TJP2: variants seen among roughly 807,000 people sequenced by gnomAD.
TJP2 encodes Friedreich ataxia region gene X104 (tight junction protein ZO-2).
TJP2 carries 91 observed loss-of-function variants against 133.1 expected under a neutral mutation model. The ratio of observed to expected loss-of-function variants is 0.68; its 90% CI spans 0.58 to 0.81. The LOEUF (loss-of-function observed/expected upper bound fraction) is 0.81. TJP2 is among the 40% of genes least tolerant of loss of function. The pLI, the probability that TJP2 is intolerant of heterozygous loss-of-function variation, is 0.00. For missense variants in TJP2, 1,541 were observed against 1,565.6 expected (o/e 0.98, Z 0.26); for synonymous variants, 592 against 583.4 (o/e 1.01, Z -0.21).
chr9:69,221,317 A>T lies in TJP2; in HGVS notation c.773A>T (p.Asp258Val), dbSNP rs772937900. 14 of 1,602,308 alleles carry T rather than the reference A, an allele frequency of 8.7e-6. No individual in the cohort carries two copies. The highest frequency in any genetic ancestry group is 1.1e-5 in the Non-Finnish European group (13 of 1,175,014). The change falls in exon 5 of 23, where the codon GAC (aspartate) becomes GTC (valine). Residue 258 changes from aspartate to valine, a missense_variant. Asp to Val is a radical substitution (Grantham distance 152). Transcript: ENST00000377245. ...GAGCGAGCCTATCACCGGGCCTACG[A>T]CCCAGACTACGAGCGGGCCTACAGC... is the stretch of plus-strand genomic sequence containing the variant. Reference protein sequence around the residue: ...DYERAYHRAYDPDYERAYSPE... With the variant: ...DYERAYHRAYVPDYERAYSPE...
At chr9:69,143,190 TAAG>T (rs1823079032) in intron 1 of TJP2, among the ~76,000 whole-genome samples, 2 of 152,228 alleles carry the variant, frequency 1.3e-5, no homozygotes, top group Non-Finnish European at 1.5e-5. Flanking sequence ...TCATCATAGA[TAAG>T]AATCACTTTG....
At chr9:69,249,201 A>T in intron 19 of TJP2, 174 bp from the exon 20 acceptor site, 1 of 985,456 alleles carries the variant, frequency 1.0e-6, no homozygotes, top group Non-Finnish European at 1.2e-6. Context: ...GCCAGTTTTT[A>T]AAAATGTGTC....
chr9:69,160,267 A>G (rs923255682), intron 2 of TJP2, among the ~76,000 whole-genome samples: 1 of 152,226 alleles, frequency 6.6e-6, no homozygotes, highest in African/African-American at 2.4e-5. Context: ...AACAAAAACA[A>G]AAACAAAAAA....
At chr9:69,188,060 G>A (rs1419829583) in intron 1 of TJP2, among the ~76,000 whole-genome samples, 4 of 152,182 alleles carry the variant, frequency 2.6e-5, no homozygotes, top group Admixed American at 2.6e-4. Flanking sequence ...GTGTTCTTGA[G>A]TTCTACAAAT....
chr9:69,194,748 A>C (rs546162642), intron 1 of TJP2, among the ~76,000 whole-genome samples: 1 of 152,184 alleles, frequency 6.6e-6, no homozygotes, highest in South Asian at 2.1e-4. Flanking sequence ...TGTGCATATT[A>C]ATCACATAGG....
At chr9:69,243,611 A>G (rs1056105975) in intron 17 of TJP2, among the ~76,000 whole-genome samples, 6 of 152,244 alleles carry the variant, frequency 3.9e-5, no homozygotes, top group Non-Finnish European at 7.3e-5. Flanking sequence ...TACTCAGTGC[A>G]TGGTTCGAAG....
Position 69,236,256 on chromosome 9 carries a change from C to G in TJP2, c.1991+18C>G. 3 of 1,612,356 alleles carry G rather than the reference C, an allele frequency of 1.9e-6. No homozygotes were observed. Among genetic ancestry groups the G allele is most frequent in the South Asian group, 2.2e-5 (2 of 90,984 alleles). On this transcript the variant is annotated intron_variant, in intron 13 of 22. Coordinates refer to ENST00000377245, the MANE Select transcript of TJP2 (RefSeq NM_004817.4). ...AAGAGCAGGTAACAGAGATCGCATT[C>G]TCACATACCCCTTTTAATCCTTCCC...
chr9:69,167,368 T>A (rs1824413237), intron 2 of TJP2, among the ~76,000 whole-genome samples: 1 of 152,268 alleles, frequency 6.6e-6, no homozygotes, highest in Admixed American at 6.5e-5. Context: ...GTTCACCTAA[T>A]GTCGAAGACA....
intron 2 of TJP2, among the ~76,000 whole-genome samples, chr9:69,166,724 C>T (rs933212022): frequency 2.0e-5 from 3 of 151,762 alleles, no homozygotes; most frequent in Non-Finnish European, 4.4e-5. Context: ...ATCTGCCTCC[C>T]AAAGTGCTGG....
intron 2 of TJP2, among the ~76,000 whole-genome samples, chr9:69,156,346 A>C (rs919578701): frequency 1.3e-5 from 2 of 152,146 alleles, no homozygotes; most frequent in East Asian, 1.9e-4. Context: ...TGCGCAACAG[A>C]GTGAGACTCT....
chr9:69,208,402 T>C (rs1472517780), intron 1 of TJP2, among the ~76,000 whole-genome samples: 2 of 152,148 alleles, frequency 1.3e-5, no homozygotes, highest in African/African-American at 2.4e-5. Flanking sequence ...GTGGTAGTGG[T>C]AGGAGATTAA....
intron 2 of TJP2, among the ~76,000 whole-genome samples, chr9:69,162,189 AT>A (rs1824114564): frequency 6.7e-6 from 1 of 148,266 alleles, no homozygotes; most frequent in Admixed American, 6.8e-5. Flanking sequence ...ATAATTTTGT[AT>A]TATATATTAT....
intron 1 of TJP2, among the ~76,000 whole-genome samples, chr9:69,198,694 A>G (rs1353067096): frequency 2.0e-5 from 3 of 152,212 alleles, no homozygotes; most frequent in Non-Finnish European, 4.4e-5. Flanking sequence ...CATCGCATAC[A>G]CTAGATTTAA....
intron 1 of TJP2, among the ~76,000 whole-genome samples, chr9:69,125,404 T>G (rs1202367542): frequency 1.5e-5 from 1 of 68,456 alleles, no homozygotes; most frequent in Non-Finnish European, 3.2e-5. Flanking sequence ...CCTCCTGGGT[T>G]CAAGCAATTC....
chr9:69,228,168 A>C (rs1588112750), intron 9 of TJP2, 54 bp downstream of exon 9: 1 of 1,558,810 alleles, frequency 6.4e-7, no homozygotes, highest in Non-Finnish European at 8.7e-7. Context: ...GTGTGTGCTC[A>C]CACAGCCATA....
In TJP2 at chr9:69,174,368, C is replaced by T. The variant is rs1021636166; in HGVS notation, c.-5C>T. ...CTGCGCGCCTACGCGGGACCTGTGT[C>T]CGAAATGCCGGTGCGAGGAGACCGC... On this transcript the variant is annotated 5_prime_UTR_variant, in exon 1 of 23. Coordinates refer to ENST00000377245, the MANE Select transcript of TJP2 (RefSeq NM_004817.4). 7.7e-6 allele frequency: 12 copies of T among 1,551,744 alleles called. No individual in the cohort carries two copies. The African/African-American group carries it at 1.2e-4, about 16-fold the overall frequency.
At chr9:69,247,527 A>G (rs1360746159) in intron 18 of TJP2, among the ~76,000 whole-genome samples, 1 of 152,168 alleles carries the variant, frequency 6.6e-6, no homozygotes, top group Non-Finnish European at 1.5e-5. Context: ...TCTGGCATCT[A>G]TGGAGTGCTT....
intron 1 of TJP2, among the ~76,000 whole-genome samples, chr9:69,138,073 C>T (rs778563822): frequency 6.6e-6 from 1 of 152,190 alleles, no homozygotes; most frequent in Non-Finnish European, 1.5e-5. Context: ...CTGTCATCAA[C>T]AGGATCTCCA....
intron 2 of TJP2, among the ~76,000 whole-genome samples, 171 bp downstream of exon 2, chr9:69,212,772 C>G (rs973126822): frequency 6.6e-6 from 1 of 151,754 alleles, no homozygotes; most frequent in African/African-American, 2.4e-5. Flanking sequence ...GATTTGCATG[C>G]TATTGTATTT....
Sources: gnomAD v4.1 joint callset for allele counts (sites outside exome capture counted in the v4.1 genomes callset) on GRCh38, gnomAD v4.1.1 for gene constraint, MANE v1.5 for transcripts, NCBI Gene and HGNC (gene_info 2026-07-23, HGNC 2026-07-21) for gene names.